The following RSU1 variants were observed in gnomAD, a reference collection of about 807,000 sequenced individuals.
RSU1 encodes the protein rsu-1.
A neutral mutation model predicts 31.1 loss-of-function variants in RSU1; 26 were observed. The ratio of observed to expected loss-of-function variants is 0.84; its 90% CI spans 0.61 to 1.16. RSU1 has a LOEUF of 1.16. Ranked by LOEUF, RSU1 falls within the 50% of genes most tolerant of loss-of-function variation. The pLI is 0.00. For synonymous variants in RSU1, 164 were observed against 136.3 expected, an observed-to-expected ratio of 1.20 and a Z score of -1.41; for missense variants, 320 against 339.1, an observed-to-expected ratio of 0.94 and a Z score of 0.44.
intron 8 of RSU1, among the ~76,000 whole-genome samples, chr10:16,641,849 T>C (rs573826335): frequency 6.6e-6 from 1 of 152,282 alleles, no homozygotes; most frequent in East Asian, 1.9e-4. Context: ...GTTGTACAGT[T>C]TGGCTCTGAG....
At chr10:16,640,926 G>A (rs1834429632) in intron 8 of RSU1, among the ~76,000 whole-genome samples, 1 of 152,230 alleles carries the variant, frequency 6.6e-6, no homozygotes, top group Non-Finnish European at 1.5e-5. Context: ...GCGACTGAAA[G>A]AATGGAATTG....
At chr10:16,665,140 C>T (rs776027231) in intron 8 of RSU1, among the ~76,000 whole-genome samples, 2 of 152,032 alleles carry the variant, frequency 1.3e-5, no homozygotes, top group South Asian at 4.1e-4. Flanking sequence ...GATGGGGTTT[C>T]GTCATGTTGG....
At chr10:16,646,488 C>G (rs1834573004) in intron 8 of RSU1, among the ~76,000 whole-genome samples, 1 of 152,196 alleles carries the variant, frequency 6.6e-6, no homozygotes, top group Non-Finnish European at 1.5e-5. Flanking sequence ...AGTCCCTTCT[C>G]TCCAGCAGAA....
chr10:16,613,787 C>T (rs187530562), intron 8 of RSU1, among the ~76,000 whole-genome samples: 1 of 150,460 alleles, frequency 6.6e-6, no homozygotes, highest in Admixed American at 6.6e-5. Flanking sequence ...ATTAAAATGT[C>T]TACAGCTCTT....
chr10:16,638,305 C>T (rs574244943), intron 8 of RSU1, among the ~76,000 whole-genome samples: 30 of 151,882 alleles, frequency 2.0e-4, no homozygotes, highest in Non-Finnish European at 2.9e-4. Flanking sequence ...GCCTTTTTTT[C>T]GCGCGCATGT....
chr10:16,810,813 G>A (rs1299915196), intron 2 of RSU1, among the ~76,000 whole-genome samples: 1 of 152,184 alleles, frequency 6.6e-6, no homozygotes, highest in African/African-American at 2.4e-5. Flanking sequence ...CTTGAGTCCA[G>A]GAGTTCAACA....
At chr10:16,688,042 T>C (rs968026676) in intron 8 of RSU1, among the ~76,000 whole-genome samples, 2 of 152,172 alleles carry the variant, frequency 1.3e-5, no homozygotes, top group African/African-American at 4.8e-5. Context: ...TAGTATTACA[T>C]ATTGGCTTAC....
intron 2 of RSU1, among the ~76,000 whole-genome samples, chr10:16,806,946 G>T (rs1175079023): frequency 6.6e-6 from 1 of 152,158 alleles, no homozygotes; most frequent in South Asian, 2.1e-4. Flanking sequence ...TAGAGAGGGG[G>T]TTTCACCATG....
intron 8 of RSU1, among the ~76,000 whole-genome samples, chr10:16,611,206 G>A (rs531083331): frequency 1.7e-4 from 26 of 152,282 alleles, no homozygotes; most frequent in Non-Finnish European, 3.5e-4. Flanking sequence ...TCCTCACTCA[G>A]CTGTGATCCT....
At chr10:16,812,485 T>C (rs1050835731) in intron 2 of RSU1, among the ~76,000 whole-genome samples, 1 of 152,136 alleles carries the variant, frequency 6.6e-6, no homozygotes, top group Admixed American at 6.5e-5. Context: ...ATGATTTTAA[T>C]AGATTATATC....
At chr10:16,637,528 T>C (rs936344363) in intron 8 of RSU1, among the ~76,000 whole-genome samples, 2 of 152,052 alleles carry the variant, frequency 1.3e-5, no homozygotes, top group Non-Finnish European at 2.9e-5. Context: ...GGCCATGATG[T>C]GTGATACTGG....
At chr10:16,805,726 A>C (rs1275850631) in intron 2 of RSU1, among the ~76,000 whole-genome samples, 1 of 151,520 alleles carries the variant, frequency 6.6e-6, no homozygotes, top group African/African-American at 2.4e-5. Context: ...TAGCATATGC[A>C]TAAGACAACT....
chr10:16,752,249 T>A (rs989274850), intron 7 of RSU1, among the ~76,000 whole-genome samples: 1 of 152,210 alleles, frequency 6.6e-6, no homozygotes, highest in Non-Finnish European at 1.5e-5. Flanking sequence ...AGGCTCTTAC[T>A]ACTAATCCCA....
intron 3 of RSU1, among the ~76,000 whole-genome samples, chr10:16,774,356 T>C (rs1275190952): frequency 6.6e-6 from 1 of 152,124 alleles, no homozygotes; most frequent in Non-Finnish European, 1.5e-5. Context: ...GCAGATTGCT[T>C]GAGGCCAGGA....
intron 8 of RSU1, among the ~76,000 whole-genome samples, chr10:16,692,915 T>C (rs563201544): frequency 3.3e-5 from 5 of 152,324 alleles, no homozygotes; most frequent in African/African-American, 7.2e-5. Flanking sequence ...TATAGGAGGA[T>C]ACGGTATCAT....
chr10:16,744,389 T>C (rs761320876), intron 7 of RSU1, among the ~76,000 whole-genome samples: 3 of 152,206 alleles, frequency 2.0e-5, no homozygotes, highest in Admixed American at 6.5e-5. Flanking sequence ...TCATGAATTC[T>C]GGGAGAATAA....
rs892312905 is a variant in RSU1 at position 16,590,712 on chromosome 10, A to T, written c.*2682T>A. The T allele has an allele frequency of 6.6e-6, 1 of 152,228 alleles. No individual in the cohort carries two copies. Among genetic ancestry groups the T allele is most frequent in the African/African-American group, 2.4e-5 (1 of 41,448 alleles). The allele number at this position is 152,228 out of a possible 1,614,324, so 9.4% of individuals were successfully genotyped here. On this transcript the variant is annotated 3_prime_UTR_variant, in exon 9 of 9. Transcript: ENST00000345264. ...ACAGAATGAATAAGTAAAATTCTAG[A>T]AAGTCTTAGTTCACAATACAGAGAT...
intron 2 of RSU1, among the ~76,000 whole-genome samples, chr10:16,812,669 G>A (rs796869885): frequency 2.0e-5 from 3 of 152,060 alleles, no homozygotes; most frequent in African/African-American, 7.2e-5. Flanking sequence ...TTGAAAGCAG[G>A]TTGTTTTCGA....
intron 8 of RSU1, among the ~76,000 whole-genome samples, chr10:16,647,460 G>T (rs956583033): frequency 6.6e-6 from 1 of 152,198 alleles, no homozygotes; most frequent in African/African-American, 2.4e-5. Context: ...AATGTTCACA[G>T]AAGCATTACT....
Sources: gnomAD v4.1 joint callset for allele counts (sites outside exome capture counted in the v4.1 genomes callset) on GRCh38, gnomAD v4.1.1 for gene constraint, MANE v1.5 for transcripts, NCBI Gene and HGNC (gene_info 2026-07-23, HGNC 2026-07-21) for gene names.